The following VWA8 variants were observed in gnomAD, a reference collection of about 807,000 sequenced individuals.
VWA8 encodes the protein von Willebrand factor A domain containing 8, also known as von Willebrand factor A domain-containing protein 8.
Under a neutral mutation model 241.5 loss-of-function variants are expected in VWA8, and 221 were observed. The observed-to-expected ratio is 0.91, with a 90% CI of 0.82 to 1.02. VWA8 has a LOEUF of 1.02. Among genes scored for constraint, VWA8 ranks in the 50% least tolerant of loss-of-function variants. VWA8 has a pLI of 0.00. For missense variants in VWA8, 2,322 were observed against 2,328.7 expected (o/e 1.00, Z 0.06); for synonymous variants, 852 against 827.1 (o/e 1.03, Z -0.52).
At chr13:41,758,447 CCATAT>C (rs1196281947) in intron 21 of VWA8, among the ~76,000 whole-genome samples, 6 of 77,690 alleles carry the variant, frequency 7.7e-5, no homozygotes, top group Non-Finnish European at 1.3e-4. Context: ...TATATATATT[CCATAT>C]ATATGGAATA....
intron 37 of VWA8, among the ~76,000 whole-genome samples, chr13:41,619,732 T>G (rs1391403115): frequency 6.6e-6 from 1 of 152,224 alleles, no homozygotes; most frequent in Non-Finnish European, 1.5e-5. Flanking sequence ...GATAATCATG[T>G]GATTTTTGTC....
intron 28 of VWA8, 108 bp from the exon 29 acceptor site, chr13:41,699,378 A>G (rs1209380157): frequency 2.7e-5 from 27 of 1,015,284 alleles, no homozygotes; most frequent in Non-Finnish European, 3.9e-5. Flanking sequence ...ACAGAGTTGG[A>G]ACTCAGCAGA....
At chr13:41,941,934 G>C (rs1048603770) in intron 2 of VWA8, among the ~76,000 whole-genome samples, 2 of 152,090 alleles carry the variant, frequency 1.3e-5, no homozygotes, top group African/African-American at 4.8e-5. Flanking sequence ...TTTTCCTACA[G>C]AACTCAAATT....
At chr13:41,747,332 TC>T (rs1349148513) in intron 21 of VWA8, among the ~76,000 whole-genome samples, 1 of 152,182 alleles carries the variant, frequency 6.6e-6, no homozygotes, top group African/African-American at 2.4e-5. Context: ...TAAGTTGGAT[TC>T]CTAGGTATTT....
At chr13:41,732,273 C>T (rs2045490954) in intron 21 of VWA8, 118 bp from the exon 22 acceptor site, 1 of 799,410 alleles carries the variant, frequency 1.3e-6, no homozygotes, top group Admixed American at 2.9e-5. Flanking sequence ...CCTGCTTCCC[C>T]TTCCCCCACC....
chr13:41,734,401 T>C (rs1236411556), intron 21 of VWA8, among the ~76,000 whole-genome samples: 1 of 152,094 alleles, frequency 6.6e-6, no homozygotes, highest in East Asian at 1.9e-4. Context: ...AGTACAGTCA[T>C]GTTGAGAAGG....
intron 40 of VWA8, among the ~76,000 whole-genome samples, 170 bp downstream of exon 40, chr13:41,604,998 G>T (rs2044543992): frequency 6.6e-6 from 1 of 152,040 alleles, no homozygotes. Context: ...TACATACACT[G>T]GATGATCAAA....
At chr13:41,596,840 G>C (rs1219808273) in intron 40 of VWA8, among the ~76,000 whole-genome samples, 3 of 143,728 alleles carry the variant, frequency 2.1e-5, no homozygotes, top group Non-Finnish European at 4.6e-5. Context: ...CACATCTGTA[G>C]CACTAAAGAC....
chr13:41,839,514 T>C (rs1046668858), intron 12 of VWA8, among the ~76,000 whole-genome samples: 2 of 152,242 alleles, frequency 1.3e-5, no homozygotes, highest in African/African-American at 2.4e-5. Context: ...TTTGTCAATT[T>C]TGGCTTTTGT....
At chr13:41,640,697 T>C (rs1244226224) in intron 37 of VWA8, among the ~76,000 whole-genome samples, 1 of 152,234 alleles carries the variant, frequency 6.6e-6, no homozygotes, top group Non-Finnish European at 1.5e-5. Flanking sequence ...GGGGCTTCTA[T>C]CCAATCTCTG....
chr13:41,622,938 C>T (rs1027659909), intron 37 of VWA8, among the ~76,000 whole-genome samples: 1 of 152,186 alleles, frequency 6.6e-6, no homozygotes, highest in Non-Finnish European at 1.5e-5. Flanking sequence ...GCCTACCTCA[C>T]GTTCATTTCC....
At position 41,892,734 on chromosome 13, in the gene VWA8, C is replaced by T. The variant is rs1874905686; in HGVS notation, c.484-1147G>A. Among the ~76,000 whole-genome samples, 3 of 152,160 alleles carry T rather than the reference C, an allele frequency of 2.0e-5. No homozygotes were observed. In the South Asian group the frequency reaches 6.2e-4, roughly 32 times the overall value. On this transcript the variant is annotated intron_variant, in intron 4 of 44. Coordinates refer to ENST00000379310, the MANE Select transcript of VWA8 (RefSeq NM_015058.2). ...TGAAAATATCCTATTTTCTCCAAAC[C>T]TGCTTCTCTTCTTTATTTTCTATCT...
intron 21 of VWA8, among the ~76,000 whole-genome samples, chr13:41,745,261 G>A (rs920339733): frequency 1.3e-5 from 2 of 151,946 alleles, no homozygotes; most frequent in Admixed American, 6.6e-5. Flanking sequence ...TTTACATTAG[G>A]TATTTCTCCT....
chr13:41,699,335 T>A, intron 28 of VWA8, 65 bp from the exon 29 acceptor site: 1 of 1,468,094 alleles, frequency 6.8e-7, no homozygotes, highest in Non-Finnish European at 9.5e-7. Context: ...CCAAGAGGTC[T>A]AGTGAAAACT....
At chr13:41,892,271 A>T (rs2138086355) in intron 4 of VWA8, among the ~76,000 whole-genome samples, 1 of 152,360 alleles carries the variant, frequency 6.6e-6, no homozygotes. Flanking sequence ...ATTTTCCTTT[A>T]ACTATAGGTC....
chr13:41,843,684 A>T (rs1034632964), intron 12 of VWA8, among the ~76,000 whole-genome samples: 4 of 151,424 alleles, frequency 2.6e-5, no homozygotes, highest in Non-Finnish European at 4.4e-5. Flanking sequence ...AGAAATACAG[A>T]TCATCAATCA....
At position 41,739,856 on chromosome 13, in the gene VWA8, T is replaced by G. The variant is rs199884687; in HGVS notation, c.2427-7701A>C. ...TTTTTTTTGTTTTTTTTGTTTTTTT[T>G]GTTTTTTTTTTTTTTTGAGACAGAG... On this transcript the variant is annotated intron_variant, in intron 21 of 44. Coordinates refer to ENST00000379310, the MANE Select transcript of VWA8 (RefSeq NM_015058.2). Among the ~76,000 whole-genome samples the G allele has an allele frequency of 7.2e-4, 46 of 64,160 alleles. 1 individual carries two copies. Among genetic ancestry groups the G allele is most frequent in the East Asian group, 6.0e-3 (13 of 2,182 alleles). The allele number at this position is 64,160 out of a possible 152,430, so 42.1% of individuals were successfully genotyped here. A position where few individuals can be genotyped will look rare whatever the true frequency, so the allele number is the denominator to read the frequency against.
chr13:41,685,100 A>G lies in VWA8; in HGVS notation c.4274T>C (p.Val1425Ala). Residue 1425 changes from valine to alanine, a missense_variant, in exon 35 of 45, where the codon GTA becomes GCA. Val to Ala is a moderately conservative substitution (Grantham distance 64, BLOSUM62 0). Transcript: ENST00000379310. ...TTCTCCTGGGGGTAAAATCCTCACT[A>G]CCTGATTCGTATCTAAAAGAGTCAC... is the stretch of plus-strand genomic sequence containing the variant. ...NCVTLLDTNQ[V>A]VRILPPGEVP... 6.2e-7 allele frequency: 1 copy of G among 1,613,568 alleles called. No individual in the cohort carries two copies. Among genetic ancestry groups the G allele is most frequent in the Non-Finnish European group, 8.5e-7 (1 of 1,179,708 alleles).
At chr13:41,589,035 C>G (rs985310705) in intron 41 of VWA8, among the ~76,000 whole-genome samples, 1 of 152,048 alleles carries the variant, frequency 6.6e-6, no homozygotes, top group African/African-American at 2.4e-5. Flanking sequence ...GAAATAAGAA[C>G]TCCCCAAATC....
Sources: allele counts gnomAD v4.1 joint callset (sites outside exome capture counted in the v4.1 genomes callset), GRCh38; gene constraint gnomAD v4.1.1; transcripts MANE v1.5; gene names NCBI Gene and HGNC (gene_info 2026-07-23, HGNC 2026-07-21).